PRIMA1: variants seen among roughly 807,000 people sequenced by gnomAD.
PRIMA1 encodes proline rich membrane anchor 1.
In PRIMA1, 7 loss-of-function variants were observed where a neutral mutation model predicts 17.5. That is an observed-to-expected ratio of 0.40 (90% CI 0.23 to 0.75). The LOEUF (loss-of-function observed/expected upper bound fraction) is 0.75, where lower values mean the gene tolerates loss of function less well. Among genes scored for constraint, PRIMA1 ranks in the 30% least tolerant of loss-of-function variants. The pLI, the probability that PRIMA1 is intolerant of heterozygous loss-of-function variation, is 0.37. For missense variants in PRIMA1, 200 were observed against 201.8 expected (o/e 0.99, Z 0.05); for synonymous variants, 97 against 77.9 (o/e 1.25, Z -1.29).
chr14:93,781,555 C>T (rs938457799), intron 2 of PRIMA1, among the ~76,000 whole-genome samples: 1 of 152,080 alleles, frequency 6.6e-6, no homozygotes, highest in Non-Finnish European at 1.5e-5. Context: ...TAACCTGGCC[C>T]GACACAATGA....
chr14:93,725,360 T>C (rs1595188305), intron 4 of PRIMA1, among the ~76,000 whole-genome samples: 1 of 152,118 alleles, frequency 6.6e-6, no homozygotes, highest in Admixed American at 6.5e-5. Flanking sequence ...CCCCAACCAC[T>C]CTCCTGCCTG....
Position 93,721,480 on chromosome 14 carries a change from G to T in PRIMA1, c.426C>A (p.Ser142Arg). ...VAEYPMSASQ[S>R]NKGVDVNNAV... is the part of the protein sequence containing the mutation. Reference sequence around the variant, plus strand: ...CGTTGTTCACGTCTACTCCTTTGTTGCTCTGCGAAGCACTCATGGGATACT... The same window carrying T: ...CGTTGTTCACGTCTACTCCTTTGTTTCTCTGCGAAGCACTCATGGGATACT... Residue 142 changes from serine to arginine, a missense_variant, in exon 5 of 5, where the codon AGC (serine) becomes AGA (arginine). Physicochemically the swap from Ser to Arg is moderately radical, Grantham distance 110 (BLOSUM62 -1). Coordinates refer to ENST00000393140, the MANE Select transcript of PRIMA1 (RefSeq NM_178013.4). The T allele has an allele frequency of 1.2e-6, 2 of 1,613,818 alleles. No individual in the cohort carries two copies. Among genetic ancestry groups the T allele is most frequent in the Non-Finnish European group, 1.7e-6 (2 of 1,179,792 alleles).
At chr14:93,722,678 G>GA (rs2076048267) in intron 4 of PRIMA1, among the ~76,000 whole-genome samples, 10 of 33,566 alleles carry the variant, frequency 3.0e-4, no homozygotes, top group South Asian at 1.9e-3. Flanking sequence ...AATGATGATG[G>GA]GGTGATGATG....
intron 3 of PRIMA1, among the ~76,000 whole-genome samples, chr14:93,770,140 ACCCCGGGTCCAGCC>A (rs1885014501): frequency 6.6e-6 from 1 of 151,706 alleles, no homozygotes; most frequent in Non-Finnish European, 1.5e-5. Flanking sequence ...TCTTGCCTCC[ACCCCGGGTCCAGCC>A]CACCACCACC....
At chr14:93,763,766 C>T (rs1470258758) in intron 3 of PRIMA1, among the ~76,000 whole-genome samples, 1 of 152,088 alleles carries the variant, frequency 6.6e-6, no homozygotes, top group Non-Finnish European at 1.5e-5. Context: ...CTCTGGTCCT[C>T]TGCTGGCTCA....
chr14:93,747,202 C>T (rs149697501), intron 3 of PRIMA1, among the ~76,000 whole-genome samples: 3 of 152,062 alleles, frequency 2.0e-5, no homozygotes, highest in East Asian at 1.9e-4. Flanking sequence ...GTGAGGAAGG[C>T]GGCCCAAGCC....
intron 3 of PRIMA1, among the ~76,000 whole-genome samples, chr14:93,759,717 A>G (rs1162790690): frequency 6.6e-6 from 1 of 152,200 alleles, no homozygotes; most frequent in Non-Finnish European, 1.5e-5. Context: ...TCCTCAGCCC[A>G]GCCATTCTCC....
intron 3 of PRIMA1, among the ~76,000 whole-genome samples, chr14:93,765,025 T>C (rs56346870): frequency 0.11 from 16,736 of 152,134 alleles, 1,223 homozygotes; most frequent in East Asian, 0.2. Context: ...TGGCTTGACA[T>C]AGCACCCTTT....
chr14:93,741,785 G>A (rs1431664271), intron 3 of PRIMA1, among the ~76,000 whole-genome samples: 1 of 152,100 alleles, frequency 6.6e-6, no homozygotes, highest in Non-Finnish European at 1.5e-5. Flanking sequence ...CAAGTTCCAG[G>A]ACTGAGGCTA....
chr14:93,725,361 C>T (rs1308685055), intron 4 of PRIMA1, among the ~76,000 whole-genome samples: 1 of 152,172 alleles, frequency 6.6e-6, no homozygotes, highest in African/African-American at 2.4e-5. Context: ...CCCAACCACT[C>T]TCCTGCCTGG....
chr14:93,728,288 C>A (rs1301170608), intron 4 of PRIMA1, among the ~76,000 whole-genome samples: 1 of 152,128 alleles, frequency 6.6e-6, no homozygotes, highest in Non-Finnish European at 1.5e-5. Flanking sequence ...CAGACTGCAG[C>A]AAATTAAGAG....
At chr14:93,757,797 CTGGTAGCTCTTAA>C (rs1223894775) in intron 3 of PRIMA1, among the ~76,000 whole-genome samples, 1 of 152,196 alleles carries the variant, frequency 6.6e-6, no homozygotes. Flanking sequence ...GAAGATAAAC[CTGGTAGCTCTTAA>C]TGCCATTCGA....
At chr14:93,739,966 T>C (rs2076174588) in intron 3 of PRIMA1, among the ~76,000 whole-genome samples, 1 of 152,044 alleles carries the variant, frequency 6.6e-6, no homozygotes, top group South Asian at 2.1e-4. Context: ...CTCAGGAGGC[T>C]GAGGCAGAAG....
chr14:93,759,986 C>T (rs1340440227), intron 3 of PRIMA1, among the ~76,000 whole-genome samples: 1 of 152,244 alleles, frequency 6.6e-6, no homozygotes, highest in African/African-American at 2.4e-5. Flanking sequence ...ATGCCACAGC[C>T]AGGTCACAGC....
At chr14:93,728,424 G>T (rs1374973178) in intron 4 of PRIMA1, among the ~76,000 whole-genome samples, 1 of 152,170 alleles carries the variant, frequency 6.6e-6, no homozygotes, top group Non-Finnish European at 1.5e-5. Flanking sequence ...GACAGAGCTG[G>T]GATGGAGGCC....
chr14:93,785,073 C>T (rs1885484947), intron 2 of PRIMA1, among the ~76,000 whole-genome samples: 1 of 148,916 alleles, frequency 6.7e-6, no homozygotes, highest in African/African-American at 2.5e-5. Context: ...AGGGCAGCCA[C>T]AAAGATGATG....
intron 3 of PRIMA1, among the ~76,000 whole-genome samples, chr14:93,766,367 C>T (rs1887196): frequency 0.23 from 34,295 of 152,030 alleles, 4,176 homozygotes; most frequent in African/African-American, 0.28. Context: ...TTGGCCCTTC[C>T]GAGTGTGAGT....
intron 4 of PRIMA1, among the ~76,000 whole-genome samples, chr14:93,725,463 C>A (rs139448099): frequency 2.0e-5 from 3 of 152,132 alleles, no homozygotes; most frequent in Admixed American, 6.5e-5. Context: ...CTGCACCCCC[C>A]CAACTCCACC....
intron 3 of PRIMA1, among the ~76,000 whole-genome samples, chr14:93,765,593 T>C (rs941434633): frequency 1.3e-5 from 2 of 152,002 alleles, no homozygotes; most frequent in Non-Finnish European, 2.9e-5. Context: ...AAAGCTCCTT[T>C]CTGAGGCCAC....
Sources: allele counts gnomAD v4.1 joint callset (sites outside exome capture counted in the v4.1 genomes callset), GRCh38; gene constraint gnomAD v4.1.1; transcripts MANE v1.5; gene names NCBI Gene and HGNC (gene_info 2026-07-23, HGNC 2026-07-21).